LUZP2: variants seen among roughly 807,000 people sequenced by gnomAD.
The protein encoded by LUZP2 is leucine zipper protein 2.
A neutral mutation model predicts 51.6 loss-of-function variants in LUZP2; 52 were observed. The ratio of observed to expected loss-of-function variants is 1.01; its 90% CI spans 0.81 to 1.27. The LOEUF is 1.27. Among genes scored for constraint, LUZP2 ranks in the 50% most tolerant of loss-of-function variants. The pLI is 0.00. For missense variants in LUZP2, 436 were observed against 395.4 expected (o/e 1.10, Z -0.87); for synonymous variants, 154 against 137.3 (o/e 1.12, Z -0.85).
chr11:24,542,864 A>C (rs186568352), intron 1 of LUZP2, among the ~76,000 whole-genome samples: 4 of 152,020 alleles, frequency 2.6e-5, no homozygotes, highest in East Asian at 1.9e-4. Context: ...TGGTTTCCAA[A>C]GTATTATGGG....
intron 1 of LUZP2, among the ~76,000 whole-genome samples, chr11:24,533,321 C>T (rs529990624): frequency 2.9e-4 from 44 of 151,340 alleles, no homozygotes; most frequent in African/African-American, 9.9e-4. Flanking sequence ...CTAAAAGTAT[C>T]GGATCTTTTT....
chr11:24,590,246 T>G (rs1332518470), intron 1 of LUZP2, among the ~76,000 whole-genome samples: 1 of 152,182 alleles, frequency 6.6e-6, no homozygotes, highest in Non-Finnish European at 1.5e-5. Flanking sequence ...ATATAAATAA[T>G]GCCTATCAAG....
intron 1 of LUZP2, among the ~76,000 whole-genome samples, chr11:24,518,631 A>T (rs1232538497): frequency 1.3e-5 from 2 of 152,186 alleles, no homozygotes; most frequent in African/African-American, 4.8e-5. Flanking sequence ...TTTTATGCAC[A>T]TTTATTAGGG....
chr11:25,007,827 G>T (rs1856874963), intron 9 of LUZP2, among the ~76,000 whole-genome samples: 1 of 152,024 alleles, frequency 6.6e-6, no homozygotes, highest in African/African-American at 2.4e-5. Flanking sequence ...AAATATTATG[G>T]TTATTAAAAT....
intron 1 of LUZP2, among the ~76,000 whole-genome samples, chr11:24,614,601 G>A (rs1279652719): frequency 6.6e-6 from 1 of 151,902 alleles, no homozygotes; most frequent in Non-Finnish European, 1.5e-5. Flanking sequence ...TATAGCCACA[G>A]TGACCTTTCT....
chr11:24,555,545 A>G (rs1199012022), intron 1 of LUZP2, among the ~76,000 whole-genome samples: 2 of 152,200 alleles, frequency 1.3e-5, no homozygotes, highest in East Asian at 3.9e-4. Context: ...TACCTCCACT[A>G]ACTGTCATGG....
intron 7 of LUZP2, among the ~76,000 whole-genome samples, chr11:24,923,508 T>C (rs1001266310): frequency 6.6e-6 from 1 of 151,842 alleles, no homozygotes; most frequent in Non-Finnish European, 1.5e-5. Flanking sequence ...ACCATCCTGG[T>C]CAACACGGTG....
chr11:24,700,666 C>A (rs1489468811), intron 1 of LUZP2, among the ~76,000 whole-genome samples: 1 of 151,536 alleles, frequency 6.6e-6, no homozygotes, highest in Non-Finnish European at 1.5e-5. Context: ...TTTTGTGAAG[C>A]TGAATGGAGC....
At chr11:25,053,979 T>C (rs1239510191) in intron 10 of LUZP2, among the ~76,000 whole-genome samples, 2 of 152,186 alleles carry the variant, frequency 1.3e-5, no homozygotes, top group African/African-American at 4.8e-5. Context: ...AGGGCTCACC[T>C]TACCTTAAAC....
intron 1 of LUZP2, among the ~76,000 whole-genome samples, chr11:24,585,146 A>G (rs1246222635): frequency 1.3e-5 from 2 of 152,206 alleles, no homozygotes; most frequent in African/African-American, 4.8e-5. Flanking sequence ...AAAAATTACA[A>G]GGACAGCATA....
At chr11:24,644,131 T>C (rs1855393862) in intron 1 of LUZP2, among the ~76,000 whole-genome samples, 1 of 152,196 alleles carries the variant, frequency 6.6e-6, no homozygotes, top group Non-Finnish European at 1.5e-5. Context: ...CTCACTGCTG[T>C]CTTCCATTGA....
At chr11:24,920,948 T>C (rs1160971578) in intron 7 of LUZP2, among the ~76,000 whole-genome samples, 6 of 151,914 alleles carry the variant, frequency 3.9e-5, no homozygotes, top group African/African-American at 1.5e-4. Context: ...TGTATACAAA[T>C]AAAAAAGAAA....
At chr11:24,719,401 G>A (rs933913037) in intron 1 of LUZP2, among the ~76,000 whole-genome samples, 1 of 152,102 alleles carries the variant, frequency 6.6e-6, no homozygotes, top group East Asian at 1.9e-4. Context: ...TAGTGAAATT[G>A]GACAAACTTG....
At chr11:24,843,519 C>T (rs546988382) in intron 5 of LUZP2, among the ~76,000 whole-genome samples, 1 of 151,908 alleles carries the variant, frequency 6.6e-6, no homozygotes, top group African/African-American at 2.4e-5. Context: ...GATTATAAAC[C>T]ACATCTATCA....
intron 5 of LUZP2, among the ~76,000 whole-genome samples, chr11:24,869,198 A>C (rs1402106300): frequency 6.6e-6 from 1 of 152,170 alleles, no homozygotes; most frequent in African/African-American, 2.4e-5. Context: ...TCACAGAAAG[A>C]AAAGTGGTAT....
chr11:24,580,632 A>G (rs149385366), intron 1 of LUZP2, among the ~76,000 whole-genome samples: 1 of 152,160 alleles, frequency 6.6e-6, no homozygotes, highest in Non-Finnish European at 1.5e-5. Context: ...GCTCAGTAAT[A>G]ATTTGCATTT....
chr11:24,619,035 T>C (rs953521743), intron 1 of LUZP2, among the ~76,000 whole-genome samples: 7 of 151,690 alleles, frequency 4.6e-5, no homozygotes, highest in Admixed American at 4.6e-4. Flanking sequence ...TTTATTTATT[T>C]ATTTATTTAT....
intron 1 of LUZP2, among the ~76,000 whole-genome samples, chr11:24,661,220 T>G (rs1856009854): frequency 6.6e-6 from 1 of 152,184 alleles, no homozygotes. Flanking sequence ...ACCTTATTTC[T>G]TCAGAAGTGT....
chr11:24,812,685 G>C (rs1308335867), intron 5 of LUZP2, among the ~76,000 whole-genome samples: 1 of 152,174 alleles, frequency 6.6e-6, no homozygotes. Context: ...GGTATGAAGG[G>C]AGACATTATG....
Sources: gnomAD v4.1 joint callset for allele counts (sites outside exome capture counted in the v4.1 genomes callset) on GRCh38, gnomAD v4.1.1 for gene constraint, MANE v1.5 for transcripts, NCBI Gene and HGNC (gene_info 2026-07-23, HGNC 2026-07-21) for gene names.